Variants in CDK17 observed in about 807,000 individuals in gnomAD.
CDK17 encodes cyclin dependent kinase 17.
Under a neutral mutation model 77.6 loss-of-function variants are expected in CDK17, and 24 were observed. The ratio of observed to expected loss-of-function variants is 0.31; its 90% CI spans 0.22 to 0.44. CDK17 has a LOEUF of 0.44. CDK17 is among the 20% of genes least tolerant of loss of function. CDK17 has a pLI of 1.00. For missense variants in CDK17, 429 were observed against 622.5 expected, an observed-to-expected ratio of 0.69 and a Z score of 3.31; for synonymous variants, 203 against 210.4, an observed-to-expected ratio of 0.96 and a Z score of 0.30.
chr12:96,368,092 A>G (rs2137201651), intron 1 of CDK17, among the ~76,000 whole-genome samples: 1 of 152,132 alleles, frequency 6.6e-6, no homozygotes, highest in East Asian at 1.9e-4. Context: ...ATGGCCTAGG[A>G]AAAGTTCAAT....
intron 10 of CDK17, among the ~76,000 whole-genome samples, chr12:96,292,879 C>T (rs541599890): frequency 1.2e-4 from 18 of 152,098 alleles, no homozygotes; most frequent in Non-Finnish European, 2.5e-4. Context: ...AATTAAATTA[C>T]TGAGCATATA....
At position 96,334,816 on chromosome 12, in the gene CDK17, C is replaced by T. The variant is rs1409459723; in HGVS notation, c.21G>A (p.Arg7=). 1 of 1,602,242 alleles carries T rather than the reference C, an allele frequency of 6.2e-7. No homozygotes were observed. Among genetic ancestry groups the T allele is most frequent in the African/African-American group, 1.3e-5 (1 of 74,636 alleles). Residue 7 remains arginine, a synonymous_variant, in exon 2 of 17, where the codon AGG becomes AGA. Transcript: ENST00000261211. ...GACTTCCTCGGAGTGTGAGGGATAGCCTTCTCTTAAATTTTTTCATCCTAT... is the reference window on the plus strand; with the variant it reads ...GACTTCCTCGGAGTGTGAGGGATAGTCTTCTCTTAAATTTTTTCATCCTAT... MKKFKR[R]LSLTLRGSQT...
intron 1 of CDK17, among the ~76,000 whole-genome samples, chr12:96,353,709 T>G (rs1216962636): frequency 6.6e-6 from 1 of 152,148 alleles, no homozygotes; most frequent in Admixed American, 6.6e-5. Context: ...ACTGTGAGAT[T>G]TGCTAGGTTA....
chr12:96,346,569 A>G (rs947145864), intron 1 of CDK17, among the ~76,000 whole-genome samples: 2 of 151,734 alleles, frequency 1.3e-5, no homozygotes, highest in African/African-American at 2.4e-5. Context: ...CGCAGCTTGC[A>G]GTGAGCCAAG....
Position 96,280,796 on chromosome 12 carries a change from T to C in CDK17, c.1534+12A>G, listed in dbSNP as rs368717927. The C allele has an allele frequency of 6.2e-6, 10 of 1,613,432 alleles. No individual in the cohort carries two copies. The African/African-American group carries it at 1.2e-4, about 19-fold the overall frequency. ...CATGATCGACACGTGAAATGGTTTATGACAAACACACCTGTCTCTGGATAA... is the reference window on the plus strand; with the variant it reads ...CATGATCGACACGTGAAATGGTTTACGACAAACACACCTGTCTCTGGATAA... On this transcript the variant is annotated intron_variant, in intron 16 of 16. Transcript: ENST00000261211.
chr12:96,318,307 G>T (rs1159669172), intron 3 of CDK17, among the ~76,000 whole-genome samples: 1 of 151,232 alleles, frequency 6.6e-6, no homozygotes, highest in South Asian at 2.1e-4. Context: ...AGCAAGTCCT[G>T]AGTGACCTAC....
chr12:96,332,507 T>C (rs1952987447), intron 2 of CDK17, among the ~76,000 whole-genome samples: 1 of 152,232 alleles, frequency 6.6e-6, no homozygotes, highest in Admixed American at 6.5e-5. Context: ...GCTTTTATAC[T>C]CTAAAATATG....
intron 1 of CDK17, among the ~76,000 whole-genome samples, chr12:96,386,621 G>A (rs946801478): frequency 3.3e-5 from 5 of 152,098 alleles, no homozygotes; most frequent in East Asian, 1.9e-4. Context: ...TCACGCCACT[G>A]CATTCCAGCC....
intron 1 of CDK17, among the ~76,000 whole-genome samples, chr12:96,392,015 T>A (rs1183255939): frequency 6.6e-6 from 1 of 152,092 alleles, no homozygotes; most frequent in Admixed American, 6.5e-5. Flanking sequence ...TTTATTCAAT[T>A]TAAGAGTATG....
At chr12:96,282,460 T>G in intron 15 of CDK17, 49 bp downstream of exon 15, 1 of 1,276,592 alleles carries the variant, frequency 7.8e-7, no homozygotes, top group Non-Finnish European at 1.1e-6. Context: ...GACCCTAACC[T>G]TGGACAAATA....
chr12:96,323,012 G>C (rs971512876), intron 3 of CDK17, among the ~76,000 whole-genome samples: 3 of 152,062 alleles, frequency 2.0e-5, no homozygotes, highest in African/African-American at 7.2e-5. Flanking sequence ...AACACATTTG[G>C]AAATAATATA....
intron 7 of CDK17, among the ~76,000 whole-genome samples, chr12:96,298,455 C>T (rs1459531799): frequency 6.6e-6 from 1 of 152,126 alleles, no homozygotes; most frequent in Non-Finnish European, 1.5e-5. Flanking sequence ...ATATAAATTA[C>T]AAGGAACCAT....
At chr12:96,350,327 T>C (rs1953291173) in intron 1 of CDK17, among the ~76,000 whole-genome samples, 1 of 149,410 alleles carries the variant, frequency 6.7e-6, no homozygotes, top group Non-Finnish European at 1.5e-5. Flanking sequence ...TGGGTGATAG[T>C]GGGATCCTGT....
chr12:96,281,318 T>G (rs1952175458), intron 15 of CDK17, among the ~76,000 whole-genome samples: 1 of 152,246 alleles, frequency 6.6e-6, no homozygotes. Context: ...AAGGTTTGTA[T>G]AACCATAACT....
Position 96,286,773 on chromosome 12 carries a change from A to T in CDK17, c.1119-12T>A, listed in dbSNP as rs1565803520. On this transcript the variant is annotated splice_polypyrimidine_tract_variant and intron_variant, in intron 11 of 16. Coordinates refer to ENST00000261211, the MANE Select transcript of CDK17 (RefSeq NM_002595.5). ...TGCAACCAACACCCCTTTAAAATAG[A>T]TCATGAAAATAATTTAGCAATTCAT... 6.3e-7 allele frequency: 1 copy of T among 1,577,466 alleles called. No individual in the cohort carries two copies. The highest frequency in any genetic ancestry group is 8.7e-7 in the Non-Finnish European group (1 of 1,150,158).
At position 96,297,278 on chromosome 12, in the gene CDK17, T is replaced by C. The variant is rs528174296; in HGVS notation, c.865A>G (p.Asn289Asp). 1.2e-6 allele frequency: 2 copies of C among 1,607,982 alleles called. No individual in the cohort carries two copies. The highest frequency in any genetic ancestry group is 1.7e-5 in the Admixed American group (1 of 59,686). ...CACGCAAGAAAACATACCTTTACGT[T>C]GTGCATACTCATGATGTTTCCACAG... ...DDCGNIMSMH[N>D]VKLFLYQILR... is the part of the protein sequence containing the mutation. Residue 289 changes from asparagine to aspartate, a missense_variant, in exon 9 of 17, where the codon AAC becomes GAC. By Grantham distance (23) the Asn-to-Asp change is conservative. This residue lies in a region of CDK17 where 262 missense variants were observed against 385.4 expected (regional missense o/e 0.68). Transcript: ENST00000261211.
At chr12:96,381,989 T>C (rs1340520923) in intron 1 of CDK17, among the ~76,000 whole-genome samples, 1 of 152,074 alleles carries the variant, frequency 6.6e-6, no homozygotes, top group East Asian at 1.9e-4. Context: ...GATAATTATA[T>C]CACTAAAAAC....
chr12:96,398,099 C>A (rs554304697), intron 1 of CDK17, among the ~76,000 whole-genome samples: 87 of 151,590 alleles, frequency 5.7e-4, no homozygotes, highest in Non-Finnish European at 1.0e-3. Flanking sequence ...CCTATATTTG[C>A]ATAGTAATTT....
chr12:96,389,050 T>TTC, intron 1 of CDK17, among the ~76,000 whole-genome samples: 1 of 152,024 alleles, frequency 6.6e-6, no homozygotes, highest in Non-Finnish European at 1.5e-5. Flanking sequence ...TATTATTTTT[T>TTC]GAGACAGGCT....
Sources: allele counts gnomAD v4.1 joint callset (sites outside exome capture counted in the v4.1 genomes callset), GRCh38; gene constraint gnomAD v4.1.1; regional missense constraint gnomAD v4.1.1; transcripts MANE v1.5; gene names NCBI Gene and HGNC (gene_info 2026-07-23, HGNC 2026-07-21).